Variants in EPHA7 observed in about 807,000 individuals in gnomAD.
The protein encoded by EPHA7 is ephrin type-A receptor 7.
A neutral mutation model predicts 112.6 loss-of-function variants in EPHA7; 25 were observed. That is an observed-to-expected ratio of 0.22 (90% CI 0.16 to 0.31). The LOEUF is 0.31. Among genes scored for constraint, EPHA7 ranks in the 10% least tolerant of loss-of-function variants. EPHA7 has a pLI of 1.00. For missense variants in EPHA7, 962 were observed against 1,212.6 expected (o/e 0.79, Z 3.07); for synonymous variants, 437 against 406.5 (o/e 1.07, Z -0.90).
intron 3 of EPHA7, among the ~76,000 whole-genome samples, chr6:93,367,753 T>C (rs545991562): frequency 1.3e-5 from 2 of 152,254 alleles, no homozygotes; most frequent in South Asian, 2.1e-4. Context: ...GACTATCTTA[T>C]AAGATTGTTA....
chr6:93,336,676 C>T (rs1774894499), intron 5 of EPHA7, among the ~76,000 whole-genome samples: 2 of 152,016 alleles, frequency 1.3e-5, no homozygotes, highest in South Asian at 2.1e-4. Context: ...GCTGGGATTA[C>T]AGTCATGAGC....
At chr6:93,297,766 CTA>C (rs1772749186) in intron 5 of EPHA7, among the ~76,000 whole-genome samples, 2 of 152,116 alleles carry the variant, frequency 1.3e-5, no homozygotes, top group South Asian at 4.1e-4. Context: ...TCCATATACA[CTA>C]TATCTCCAAG....
rs576130302 is a variant in EPHA7 at position 93,351,406 on chromosome 6, T to C, written c.1324+5311A>G. Among the ~76,000 whole-genome samples, 5 of 152,144 alleles carry C rather than the reference T, an allele frequency of 3.3e-5. No homozygotes were observed. The South Asian group carries it at 1.0e-3, about 32-fold the overall frequency. ...TCATGCACGCTAATCTCCATATAAG[T>C]ATTTGCTTCCTGGGGAGCCCAACTT... On this transcript the variant is annotated intron_variant, in intron 5 of 16. Transcript: ENST00000369303.
intron 5 of EPHA7, among the ~76,000 whole-genome samples, chr6:93,333,698 T>C (rs1774716868): frequency 6.6e-6 from 1 of 151,884 alleles, no homozygotes; most frequent in Non-Finnish European, 1.5e-5. Flanking sequence ...TTCATGTCCT[T>C]TGCCCACTTT....
intron 5 of EPHA7, among the ~76,000 whole-genome samples, chr6:93,356,415 G>A (rs1775949343): frequency 6.6e-6 from 1 of 152,018 alleles, no homozygotes; most frequent in Admixed American, 6.6e-5. Flanking sequence ...TTGTTGCCCA[G>A]GCTGGTCTTG....
chr6:93,339,018 T>A, intron 5 of EPHA7, among the ~76,000 whole-genome samples: 1 of 150,708 alleles, frequency 6.6e-6, no homozygotes, highest in South Asian at 2.1e-4. Flanking sequence ...TATAATACCG[T>A]AGGATACCAA....
chr6:93,376,293 C>T (rs553222272), intron 3 of EPHA7, among the ~76,000 whole-genome samples: 1 of 152,204 alleles, frequency 6.6e-6, no homozygotes, highest in Non-Finnish European at 1.5e-5. Context: ...GCATGAGTCA[C>T]CACACTGAGC....
intron 3 of EPHA7, among the ~76,000 whole-genome samples, chr6:93,397,512 T>C (rs188725644): frequency 3.9e-5 from 6 of 152,038 alleles, no homozygotes; most frequent in East Asian, 3.9e-4. Context: ...CAATGTTTTT[T>C]AAGAATAAAG....
intron 2 of EPHA7, among the ~76,000 whole-genome samples, chr6:93,412,474 A>T (rs534152146): frequency 6.6e-6 from 1 of 152,226 alleles, no homozygotes; most frequent in South Asian, 2.1e-4. Flanking sequence ...ATGATGTTAT[A>T]TATTTGGTGT....
chr6:93,332,132 G>T (rs1271597113), intron 5 of EPHA7, among the ~76,000 whole-genome samples: 1 of 151,556 alleles, frequency 6.6e-6, no homozygotes, highest in African/African-American at 2.4e-5. Context: ...CACAGAATTG[G>T]TTTCAAAGTG....
At chr6:93,273,625 G>A (rs950883471) in intron 5 of EPHA7, among the ~76,000 whole-genome samples, 3 of 152,036 alleles carry the variant, frequency 2.0e-5, no homozygotes, top group South Asian at 2.1e-4. Flanking sequence ...AAAGCGTAAC[G>A]AGGGCAGTTT....
intron 3 of EPHA7, among the ~76,000 whole-genome samples, chr6:93,401,524 GAAAAC>G (rs1778437729): frequency 2.0e-5 from 3 of 151,510 alleles, no homozygotes; most frequent in Non-Finnish European, 4.4e-5. Flanking sequence ...AACACGGGTA[GAAAAC>G]AAAAAAAATA....
At chr6:93,291,735 T>C (rs1375149135) in intron 5 of EPHA7, among the ~76,000 whole-genome samples, 1 of 117,738 alleles carries the variant, frequency 8.5e-6, no homozygotes, top group Non-Finnish European at 1.6e-5. Context: ...GCCACTGCAC[T>C]CCAGCCTGGG....
chr6:93,362,987 T>G (rs967198083), intron 3 of EPHA7, among the ~76,000 whole-genome samples: 1 of 152,228 alleles, frequency 6.6e-6, no homozygotes, highest in East Asian at 1.9e-4. Context: ...TCCTGATCCT[T>G]AATGGACTGA....
At chr6:93,258,905 C>T (rs1489129363) in intron 10 of EPHA7, among the ~76,000 whole-genome samples, 1 of 151,558 alleles carries the variant, frequency 6.6e-6, no homozygotes, top group African/African-American at 2.4e-5. Context: ...CCCTTTAATT[C>T]ATACACATTA....
At chr6:93,393,856 A>G (rs956417507) in intron 3 of EPHA7, among the ~76,000 whole-genome samples, 2 of 151,806 alleles carry the variant, frequency 1.3e-5, no homozygotes, top group Non-Finnish European at 2.9e-5. Context: ...AAACTCTTTG[A>G]ATGAGGTTTC....
chr6:93,260,880 G>C, intron 9 of EPHA7: 1 of 352,956 alleles, frequency 2.8e-6, no homozygotes, highest in South Asian at 1.2e-4. Flanking sequence ...GAGAAAAAGA[G>C]AGAAGGGAAG....
chr6:93,419,309 A>G lies in EPHA7; in HGVS notation c.33T>C (p.Ile11=). 1 of 1,614,168 alleles carries G rather than the reference A, an allele frequency of 6.2e-7. No homozygotes were observed. The highest frequency in any genetic ancestry group is 1.1e-5 in the South Asian group (1 of 91,080). The part of the protein sequence containing the change: MVFQTRYPSW[I]ILCYIWLLRF... ...GGAGCAGCCAGATGTAGCATAAAAT[A>G]ATCCATGAAGGGTACCGAGTTTGAA... Residue 11 remains isoleucine (I), a synonymous_variant, in exon 1 of 17, where the codon ATT becomes ATC. Transcript: ENST00000369303.
intron 3 of EPHA7, among the ~76,000 whole-genome samples, chr6:93,372,839 T>C (rs1384891360): frequency 3.3e-5 from 5 of 152,094 alleles, no homozygotes; most frequent in African/African-American, 1.2e-4. Flanking sequence ...ATGAAAAATA[T>C]AATAGTTAAG....
Sources: allele counts gnomAD v4.1 joint callset (sites outside exome capture counted in the v4.1 genomes callset), GRCh38; gene constraint gnomAD v4.1.1; transcripts MANE v1.5; gene names NCBI Gene and HGNC (gene_info 2026-07-23, HGNC 2026-07-21).